Variants in RB1 observed in about 807,000 individuals in gnomAD.
The protein encoded by RB1 is RB transcriptional corepressor 1.
Under a neutral mutation model 135.4 loss-of-function variants are expected in RB1, and 18 were observed. The observed-to-expected ratio is 0.13, with a 90% CI of 0.09 to 0.20. RB1 has a LOEUF of 0.20. RB1 is among the 10% of genes least tolerant of loss of function. The pLI, the probability that RB1 is intolerant of heterozygous loss-of-function variation, is 1.00. For synonymous variants in RB1, 365 were observed against 373.2 expected (o/e 0.98, Z 0.25); for missense variants, 868 against 1,110.0 (o/e 0.78, Z 3.10).
intron 17 of RB1, among the ~76,000 whole-genome samples, chr13:48,397,816 G>A (rs1405035792): frequency 6.6e-6 from 1 of 152,080 alleles, no homozygotes; most frequent in Non-Finnish European, 1.5e-5. Flanking sequence ...CTTTTGAAAT[G>A]TCAAAATTGA....
intron 2 of RB1, chr13:48,316,717 CATCACACACACACACACACA>C (rs1952186201): frequency 6.6e-6 from 1 of 150,678 alleles, no homozygotes; most frequent in Non-Finnish European, 1.4e-5. Context: ...ACCACAGAAC[CATCACACACACACACACACA>C]CACACACACA....
chr13:48,404,175 A>G (rs1357838881), intron 17 of RB1: 2 of 152,286 alleles, frequency 1.3e-5, no homozygotes, highest in East Asian at 3.9e-4. Flanking sequence ...TTTTGTGTAC[A>G]CTTACAGACA....
At chr13:48,379,742 A>T in intron 14 of RB1, 92 bp downstream of exon 14, 8 of 1,454,088 alleles carry the variant, frequency 5.5e-6, no homozygotes, top group Non-Finnish European at 7.5e-6. Flanking sequence ...TGGGCAGATC[A>T]GGAGGTCAAG....
In RB1 at chr13:48,319,484, G is replaced by T. The variant is rs1233919979; in HGVS notation, c.264+12078G>T. On this transcript the variant is annotated intron_variant, in intron 2 of 26. Transcript: ENST00000267163. This position sits in a 1 kb window ranked among gnomAD's most constrained non-coding sequence, Gnocchi z 5.0. ...GGGCGCCAGCGCTCCTCTTGACCCC[G>T]CTTTTATTCTGTGGTGCTTCTGAAG... The T allele has an allele frequency of 1.0e-5, 3 of 300,178 alleles. No individual in the cohort carries two copies. Among genetic ancestry groups the T allele is most frequent in the East Asian group, 8.9e-5 (1 of 11,248 alleles). The allele number at this position is 300,178 out of a possible 1,614,324, so 18.6% of individuals were successfully genotyped here. A position where few individuals can be genotyped will look rare whatever the true frequency, so the allele number is the denominator to read the frequency against.
intron 23 of RB1, among the ~76,000 whole-genome samples, chr13:48,473,025 T>C (rs941856554): frequency 1.3e-5 from 2 of 152,174 alleles, no homozygotes; most frequent in African/African-American, 2.4e-5. Flanking sequence ...TGAGAAAATA[T>C]GAAAGAAATT....
chr13:48,456,611 C>A (rs948744031), intron 19 of RB1, among the ~76,000 whole-genome samples: 8 of 152,238 alleles, frequency 5.3e-5, no homozygotes, highest in African/African-American at 1.9e-4. Flanking sequence ...TCATTTCAGC[C>A]CCTTGGTCTG....
At chr13:48,457,027 G>C (rs1261228027) in intron 19 of RB1, among the ~76,000 whole-genome samples, 2 of 152,216 alleles carry the variant, frequency 1.3e-5, no homozygotes, top group Non-Finnish European at 2.9e-5. Flanking sequence ...TTTCAGCCCT[G>C]TTTGTGTTAC....
intron 6 of RB1, among the ~76,000 whole-genome samples, chr13:48,354,822 A>G (rs757480659): frequency 6.6e-6 from 1 of 152,104 alleles, no homozygotes; most frequent in Non-Finnish European, 1.5e-5. Flanking sequence ...TGGGGAAAAG[A>G]CAGTCTCTTC....
chr13:48,326,682 C>G (rs995187542), intron 2 of RB1, among the ~76,000 whole-genome samples: 1 of 152,042 alleles, frequency 6.6e-6, no homozygotes, highest in African/African-American at 2.4e-5. Context: ...TAGGAATATA[C>G]ACAGGTTGCT....
At chr13:48,314,009 A>G (rs1952157728) in intron 2 of RB1, among the ~76,000 whole-genome samples, 2 of 151,994 alleles carry the variant, frequency 1.3e-5, no homozygotes, top group Admixed American at 1.3e-4. Flanking sequence ...CGGCCTCCCA[A>G]AGTGCTGGGA....
chr13:48,403,860 T>A (rs1266723947), intron 17 of RB1, among the ~76,000 whole-genome samples: 1 of 151,506 alleles, frequency 6.6e-6, no homozygotes, highest in Non-Finnish European at 1.5e-5. Context: ...CCTATGAGAA[T>A]AAAAAAAATG....
chr13:48,354,675 C>T (rs1593440790), intron 6 of RB1, among the ~76,000 whole-genome samples: 1 of 152,092 alleles, frequency 6.6e-6, no homozygotes, highest in African/African-American at 2.4e-5. Flanking sequence ...AATTATACTA[C>T]AGAGCTATAG....
In RB1 at chr13:48,362,791, T is replaced by C. The variant is rs971990016; in HGVS notation, c.719-24T>C. ...TTATATGATGGATGTACAATTGTTC[T>C]TATCTAATTTACCACTTTTACAGAA... On this transcript the variant is annotated intron_variant, in intron 7 of 26. Transcript: ENST00000267163. 5 of 1,606,510 alleles carry C rather than the reference T, an allele frequency of 3.1e-6. No individual in the cohort carries two copies. In the Middle Eastern group the frequency reaches 5.0e-4, roughly 160 times the overall value.
In RB1 at chr13:48,354,192, A is replaced by G. The variant is rs151322136; in HGVS notation, c.607+5169A>G. On this transcript the variant is annotated intron_variant, in intron 6 of 26. Transcript: ENST00000267163. ...ATCTTATATTTGGAAGAACCTAAAG[A>G]CTCCACAAGAAAACTATTAGAACTA... Among the ~76,000 whole-genome samples, 322 of 152,190 alleles carry G rather than the reference A, an allele frequency of 2.1e-3. 2 individuals are homozygous for G. The highest frequency in any genetic ancestry group is 0.014 in the East Asian group (71 of 5,178).
At chr13:48,477,249 AAAAT>A (rs1469448455) in intron 25 of RB1, 102 bp from the exon 26 acceptor site, 2 of 795,824 alleles carry the variant, frequency 2.5e-6, no homozygotes, top group Admixed American at 2.5e-5. Context: ...GCTACTCACT[AAAAT>A]AATAGCATAA....
intron 17 of RB1, chr13:48,415,665 A>T (rs1424465753): frequency 1.3e-5 from 2 of 152,178 alleles, no homozygotes; most frequent in Admixed American, 1.3e-4. Context: ...TTTCATTATT[A>T]TCAGTATCAT....
intron 10 of RB1, 121 bp downstream of exon 10, chr13:48,367,724 A>C: frequency 3.4e-6 from 4 of 1,167,394 alleles, no homozygotes; most frequent in Non-Finnish European, 4.7e-6. Flanking sequence ...TTACTTTCAA[A>C]TGTCTTTATA....
chr13:48,399,737 T>C (rs1948676092), intron 17 of RB1, among the ~76,000 whole-genome samples: 1 of 152,010 alleles, frequency 6.6e-6, no homozygotes, highest in Non-Finnish European at 1.5e-5. Flanking sequence ...TCCAGATCTG[T>C]TTATGATTTT....
At chr13:48,318,956 C>T (rs1247142760) in intron 2 of RB1, 1 of 899,166 alleles carries the variant, frequency 1.1e-6, no homozygotes, top group Non-Finnish European at 1.8e-6. Context: ...GGAGTAGAAG[C>T]GTGGGCTTGC....
Sources: gnomAD v4.1 joint callset for allele counts (sites outside exome capture counted in the v4.1 genomes callset) on GRCh38, gnomAD v4.1.1 for gene constraint, Gnocchi (gnomAD v3.1) non-coding constraint, MANE v1.5 for transcripts, NCBI Gene and HGNC (gene_info 2026-07-23, HGNC 2026-07-21) for gene names.